Variants in RIOX2 observed in about 807,000 individuals in gnomAD.
The protein encoded by RIOX2 is ribosomal oxygenase 2, also known as 60S ribosomal protein L27a histidine hydroxylase.
A neutral mutation model predicts 51.2 loss-of-function variants in RIOX2; 43 were observed. That is an observed-to-expected ratio of 0.84 (90% CI 0.66 to 1.08). The LOEUF (loss-of-function observed/expected upper bound fraction) is 1.08, where lower values mean the gene tolerates loss of function less well. Among genes scored for constraint, RIOX2 ranks in the 50% least tolerant of loss-of-function variants. The pLI is 0.00. For missense variants in RIOX2, 566 were observed against 561.7 expected (o/e 1.01, Z -0.08); for synonymous variants, 226 against 218.5 (o/e 1.03, Z -0.30).
At chr3:97,964,619 C>A (rs1705808077) in intron 2 of RIOX2, among the ~76,000 whole-genome samples, 1 of 147,320 alleles carries the variant, frequency 6.8e-6, no homozygotes, top group Non-Finnish European at 1.5e-5. Context: ...ATTGCTTGAA[C>A]CCAGGAGGCG....
intron 5 of RIOX2, among the ~76,000 whole-genome samples, chr3:97,952,886 C>T (rs1006676444): frequency 3.9e-5 from 6 of 152,134 alleles, no homozygotes; most frequent in African/African-American, 1.4e-4. Context: ...CTAATACAAA[C>T]TTGGGCCTTC....
intron 1 of RIOX2, among the ~76,000 whole-genome samples, chr3:97,971,430 T>C (rs982561416): frequency 4.6e-5 from 7 of 152,236 alleles, no homozygotes; most frequent in African/African-American, 1.4e-4. Flanking sequence ...AGAAATTATA[T>C]ATTGCTTGTA....
In RIOX2 at chr3:97,945,114, T is replaced by G. The variant is rs1177458771; in HGVS notation, c.*70A>C. 1.6e-5 allele frequency: 22 copies of G among 1,384,048 alleles called. No homozygotes were observed. Among genetic ancestry groups the G allele is most frequent in the Non-Finnish European group, 1.9e-5 (20 of 1,031,564 alleles). The allele number at this position is 1,384,048 out of a possible 1,614,324, so 85.7% of individuals were successfully genotyped here. A position where few individuals can be genotyped will look rare whatever the true frequency, so the allele number is the denominator to read the frequency against. ...AAGGAAACTTGAATTCATCCTCTCC[T>G]CGGCTCAGGTCTTTGCTTTTCTTTT... On this transcript the variant is annotated 3_prime_UTR_variant, in exon 10 of 10. Coordinates refer to ENST00000394198, the MANE Select transcript of RIOX2 (RefSeq NM_153182.4).
rs781444302 is a variant in RIOX2, at chr3:97,961,677, T to G, written c.464A>C (p.Glu155Ala). The G allele has an allele frequency of 6.2e-7, 1 of 1,612,058 alleles. No homozygotes were observed. Among genetic ancestry groups the G allele is most frequent in the South Asian group, 1.1e-5 (1 of 90,708 alleles). The change falls in exon 3 of 10, where the codon GAA (glutamate) becomes GCA (alanine). Residue 155 changes from glutamate (E) to alanine (A), a missense_variant. Physicochemically the swap from Glu to Ala is moderately radical, Grantham distance 107. Transcript: ENST00000394198. ...DELWRIQEKL[E>A]CYFGSLVGSN... ...GCCAACCAAGGAGCCAAAGTAACAT[T>G]CCAGCTTCTCCTGGATCCTCCAAAG...
intron 4 of RIOX2, 122 bp from the exon 5 acceptor site, chr3:97,954,617 AAGG>A (rs1705388559): frequency 1.3e-6 from 1 of 769,460 alleles, no homozygotes; most frequent in Admixed American, 2.1e-5. Flanking sequence ...CCACAACCTC[AAGG>A]CACAGTCTAT....
chr3:97,948,904 CTGACATCATCCATCTGGAAGTCATCAA>C (rs1321513604), intron 7 of RIOX2, among the ~76,000 whole-genome samples: 3 of 152,110 alleles, frequency 2.0e-5, no homozygotes, highest in Admixed American at 6.5e-5. Flanking sequence ...CTATAGGATA[CTGACATCATCCATCTGGAAGTCATCAA>C]TGACATCATC....
At chr3:97,952,091 C>A in intron 5 of RIOX2, 4 of 981,058 alleles carry the variant, frequency 4.1e-6, no homozygotes, top group Non-Finnish European at 5.7e-6. Flanking sequence ...ATACAGCAGA[C>A]CCCCAAACAC....
Position 97,959,174 on chromosome 3 carries a change from G to T in RIOX2, c.558C>A (p.Phe186Leu), listed in dbSNP as rs1559761395. The T allele has an allele frequency of 3.7e-6, 6 of 1,613,532 alleles. No homozygotes were observed. Among genetic ancestry groups the T allele is most frequent in the Non-Finnish European group, 5.1e-6 (6 of 1,179,758 alleles). The part of the protein sequence containing the change: ...LPPHYDDVEV[F>L]ILQLEGEKHW... ...GTTTCTCTCCCTCCAGCTGCAGGATGAAAACCTAGAGACCCACAAGGCCCA... is the reference window on the plus strand; with the variant it reads ...GTTTCTCTCCCTCCAGCTGCAGGATTAAAACCTAGAGACCCACAAGGCCCA... The change falls in exon 4 of 10, where the codon TTC becomes TTA. Residue 186 changes from phenylalanine (F) to leucine (L), a missense_variant. Transcript: ENST00000394198.
intron 5 of RIOX2, chr3:97,951,194 G>A (rs1705231861): frequency 4.1e-6 from 1 of 245,594 alleles, no homozygotes; most frequent in Admixed American, 5.2e-5. Flanking sequence ...CATAAAACAG[G>A]AAGTTCAATG....
chr3:97,958,829 A>G (rs945751381), intron 4 of RIOX2, among the ~76,000 whole-genome samples: 1 of 152,094 alleles, frequency 6.6e-6, no homozygotes, highest in African/African-American at 2.4e-5. Context: ...AATGAACTTA[A>G]TACTTCCTTA....
chr3:97,965,069 G>A (rs898655956), intron 2 of RIOX2, among the ~76,000 whole-genome samples: 5 of 152,060 alleles, frequency 3.3e-5, no homozygotes, highest in African/African-American at 1.2e-4. Flanking sequence ...CCTCTGTTCT[G>A]ACGTTAATAT....
In RIOX2 at chr3:97,943,285, A is replaced by G; in HGVS notation, c.*1899T>C. On this transcript the variant is annotated 3_prime_UTR_variant, in exon 10 of 10. Transcript: ENST00000394198. ...AAATCAGCCCCTGGAGGGAGAAGAA[A>G]CACAGAAATGGGACATTGAAATATT... 1.9e-6 allele frequency: 3 copies of G among 1,588,110 alleles called. No individual in the cohort carries two copies. The highest frequency in any genetic ancestry group is 2.6e-6 in the Non-Finnish European group (3 of 1,157,786).
chr3:97,955,732 T>C (rs916379431), intron 4 of RIOX2, among the ~76,000 whole-genome samples: 1 of 152,102 alleles, frequency 6.6e-6, no homozygotes, highest in Non-Finnish European at 1.5e-5. Flanking sequence ...CACTTAACAA[T>C]GGGGTTATGT....
intron 2 of RIOX2, among the ~76,000 whole-genome samples, chr3:97,963,936 TCAAA>T (rs1030354375): frequency 1.3e-5 from 2 of 152,200 alleles, no homozygotes; most frequent in Non-Finnish European, 2.9e-5. Flanking sequence ...TCACTCCCAC[TCAAA>T]CACTGTGGCG....
intron 3 of RIOX2, 70 bp from the exon 4 acceptor site, chr3:97,959,249 TA>T: frequency 1.3e-6 from 2 of 1,505,762 alleles, no homozygotes; most frequent in Non-Finnish European, 1.8e-6. Flanking sequence ...GCTTCCGGAC[TA>T]TTAGCCCTCT....
intron 2 of RIOX2, among the ~76,000 whole-genome samples, chr3:97,965,211 A>T (rs892967687): frequency 9.0e-5 from 1 of 11,074 alleles, no homozygotes; most frequent in Non-Finnish European, 1.9e-4. Flanking sequence ...CAAAGAGATT[A>T]AAAAAAAAAA....
intron 5 of RIOX2, among the ~76,000 whole-genome samples, chr3:97,953,066 C>T (rs956320418): frequency 7.9e-5 from 12 of 152,080 alleles, no homozygotes; most frequent in Admixed American, 2.0e-4. Context: ...GGTGACTTGC[C>T]GTCCCTTGGA....
intron 2 of RIOX2, among the ~76,000 whole-genome samples, chr3:97,962,373 C>A (rs907690995): frequency 2.5e-4 from 24 of 94,360 alleles, no homozygotes; most frequent in African/African-American, 9.1e-4. Context: ...CCCCCCCCCC[C>A]ACATGGAGAT....
At chr3:97,950,959 A>G in intron 5 of RIOX2, 71 bp from the exon 6 acceptor site, 1 of 1,106,084 alleles carries the variant, frequency 9.0e-7, no homozygotes, top group Non-Finnish European at 1.4e-6. Flanking sequence ...TAAAATACTT[A>G]TTGCTAGTAA....
Sources: gnomAD v4.1 joint callset for allele counts (sites outside exome capture counted in the v4.1 genomes callset) on GRCh38, gnomAD v4.1.1 for gene constraint, MANE v1.5 for transcripts, NCBI Gene and HGNC (gene_info 2026-07-23, HGNC 2026-07-21) for gene names.